The following CNTLN variants were observed in gnomAD, a reference collection of about 807,000 sequenced individuals.
CNTLN encodes the protein centlein, centrosomal protein.
In CNTLN, 212 loss-of-function variants were observed where a neutral mutation model predicts 180.0. The observed-to-expected ratio is 1.18, with a 90% confidence interval of 1.05 to 1.32. CNTLN has a LOEUF of 1.32. CNTLN is among the 40% of genes most tolerant of loss of function. CNTLN has a pLI of 0.00. For missense variants in CNTLN, 2,095 were observed against 1,610.9 expected, an observed-to-expected ratio of 1.30 and a Z score of -5.14; for synonymous variants, 722 against 563.1, an observed-to-expected ratio of 1.28 and a Z score of -3.99.
chr9:17,351,796 C>G (rs2133297319), intron 12 of CNTLN, among the ~76,000 whole-genome samples: 1 of 152,264 alleles, frequency 6.6e-6, no homozygotes, highest in East Asian at 1.9e-4. Context: ...GAGAATGTCT[C>G]TCATCTGTTT....
intron 1 of CNTLN, among the ~76,000 whole-genome samples, chr9:17,142,050 C>T (rs1384023871): frequency 6.7e-6 from 1 of 149,176 alleles, no homozygotes. Context: ...CCACTGCACT[C>T]CAGCCTGGGC....
rs1240388709 is a variant in CNTLN, at chr9:17,135,053, A to G, written c.-13A>G. 2 of 1,590,202 alleles carry G rather than the reference A, an allele frequency of 1.3e-6. No individual in the cohort carries two copies. The highest frequency in any genetic ancestry group is 1.3e-5 in the African/African-American group (1 of 74,798). On this transcript the variant is annotated 5_prime_UTR_variant, in exon 1 of 26. Transcript: ENST00000380647. ...TTTCCAACAGGGAACTTGACCCGTT[A>G]GCAGCCGCAGCCATGGCGGCGCGTT...
chr9:17,173,904 AG>A (rs60127505), intron 2 of CNTLN, among the ~76,000 whole-genome samples: 2,885 of 152,330 alleles, frequency 0.019, 56 homozygotes, highest in African/African-American at 0.05. Context: ...GTATGAAGAC[AG>A]GATATTGACA....
chr9:17,322,855 A>G (rs1434900851), intron 8 of CNTLN, among the ~76,000 whole-genome samples: 2 of 152,216 alleles, frequency 1.3e-5, no homozygotes, highest in African/African-American at 4.8e-5. Flanking sequence ...GATGAAAATT[A>G]ATTTGTAAAA....
chr9:17,297,723 G>A (rs533738553), intron 6 of CNTLN, among the ~76,000 whole-genome samples: 50 of 152,308 alleles, frequency 3.3e-4, no homozygotes, highest in African/African-American at 9.6e-4. Context: ...AGAATTGGCA[G>A]TTGTGCTTTA....
intron 18 of CNTLN, among the ~76,000 whole-genome samples, chr9:17,429,834 T>A (rs1418220158): frequency 1.3e-5 from 2 of 151,932 alleles, no homozygotes; most frequent in African/African-American, 4.8e-5. Context: ...ATAGTAGAAT[T>A]TTTTCAAAAT....
At chr9:17,286,884 T>G (rs970470119) in intron 6 of CNTLN, among the ~76,000 whole-genome samples, 3 of 133,390 alleles carry the variant, frequency 2.2e-5, no homozygotes, top group Non-Finnish European at 4.7e-5. Context: ...TGAAGTTGCT[T>G]ATCAGCTTAA....
At chr9:17,397,519 G>C (rs1019640550) in intron 15 of CNTLN, among the ~76,000 whole-genome samples, 1 of 151,566 alleles carries the variant, frequency 6.6e-6, no homozygotes, top group Non-Finnish European at 1.5e-5. Context: ...AGGTCACTCT[G>C]ATCACTGTCT....
intron 6 of CNTLN, among the ~76,000 whole-genome samples, chr9:17,294,775 G>A (rs1163768911): frequency 2.0e-5 from 1 of 50,200 alleles, no homozygotes; most frequent in East Asian, 6.3e-4. Context: ...ACCGCGGGGG[G>A]AGTGAGGGGA....
At chr9:17,290,330 G>A (rs991321211) in intron 6 of CNTLN, among the ~76,000 whole-genome samples, 1 of 151,166 alleles carries the variant, frequency 6.6e-6, no homozygotes, top group African/African-American at 2.4e-5. Flanking sequence ...CGGGGGTCAG[G>A]GGTCAGGGAC....
intron 23 of CNTLN, among the ~76,000 whole-genome samples, chr9:17,476,470 T>C (rs1004014240): frequency 6.6e-6 from 1 of 152,172 alleles, no homozygotes; most frequent in Non-Finnish European, 1.5e-5. Context: ...TGAGATAGGC[T>C]GAAACTAGGC....
intron 18 of CNTLN, among the ~76,000 whole-genome samples, chr9:17,444,921 T>A (rs550455975): frequency 2.6e-5 from 4 of 152,272 alleles, no homozygotes; most frequent in African/African-American, 9.6e-5. Context: ...TAATATAGTA[T>A]AGGTCAAAAC....
At chr9:17,269,560 T>C (rs1827783643) in intron 5 of CNTLN, among the ~76,000 whole-genome samples, 1 of 152,336 alleles carries the variant, frequency 6.6e-6, no homozygotes, top group East Asian at 1.9e-4. Flanking sequence ...TTAATTTCCA[T>C]GTGGATGAAA....
chr9:17,356,682 T>G (rs140092728), intron 12 of CNTLN, among the ~76,000 whole-genome samples: 3 of 152,324 alleles, frequency 2.0e-5, no homozygotes, highest in East Asian at 3.9e-4. Context: ...TCAATAAATA[T>G]GCTGGGCACT....
intron 18 of CNTLN, among the ~76,000 whole-genome samples, chr9:17,436,731 G>A (rs1829800426): frequency 6.6e-6 from 1 of 152,130 alleles, no homozygotes. Context: ...AAAGATAAAA[G>A]GTATTAAACT....
At chr9:17,280,675 C>T (rs1364742072) in intron 6 of CNTLN, among the ~76,000 whole-genome samples, 1 of 152,116 alleles carries the variant, frequency 6.6e-6, no homozygotes, top group Admixed American at 6.6e-5. Context: ...ACTTAGCCAC[C>T]CAAGAACTGA....
intron 8 of CNTLN, among the ~76,000 whole-genome samples, chr9:17,320,423 G>C (rs1390035132): frequency 6.6e-6 from 1 of 151,170 alleles, no homozygotes; most frequent in Non-Finnish European, 1.5e-5. Flanking sequence ...TAACTACCAT[G>C]TTGGATTTTT....
chr9:17,344,421 A>G (rs535950123), intron 12 of CNTLN, among the ~76,000 whole-genome samples: 1 of 152,268 alleles, frequency 6.6e-6, no homozygotes, highest in East Asian at 1.9e-4. Flanking sequence ...AAAGAATGCT[A>G]AAGAATGGAA....
intron 8 of CNTLN, among the ~76,000 whole-genome samples, chr9:17,309,938 G>C (rs1241200918): frequency 6.6e-6 from 1 of 151,972 alleles, no homozygotes; most frequent in African/African-American, 2.4e-5. Context: ...GTAATGGATT[G>C]TAATTTTTGA....
Sources: gnomAD v4.1 joint callset for allele counts (sites outside exome capture counted in the v4.1 genomes callset) on GRCh38, gnomAD v4.1.1 for gene constraint, MANE v1.5 for transcripts, NCBI Gene and HGNC (gene_info 2026-07-23, HGNC 2026-07-21) for gene names.